The following GPR158 variants were observed in gnomAD, a reference collection of about 807,000 sequenced individuals.
The protein encoded by GPR158 is G protein-coupled receptor 158.
In GPR158, 30 loss-of-function variants were observed where a neutral mutation model predicts 78.2. The ratio of observed to expected loss-of-function variants is 0.38; its 90% CI spans 0.29 to 0.52. The LOEUF is 0.52. Among genes scored for constraint, GPR158 ranks in the 20% least tolerant of loss-of-function variants. The pLI is 0.83. For synonymous variants in GPR158, 581 were observed against 591.1 expected, an observed-to-expected ratio of 0.98 and a Z score of 0.25; for missense variants, 1,463 against 1,523.5, an observed-to-expected ratio of 0.96 and a Z score of 0.66.
chr10:25,564,696 G>A (rs1279493636), intron 6 of GPR158, among the ~76,000 whole-genome samples: 2 of 139,010 alleles, frequency 1.4e-5, no homozygotes, highest in South Asian at 2.3e-4. Context: ...ATTGAGCTCA[G>A]GAGCATGAGA....
chr10:25,468,301 T>C (rs1487469305), intron 5 of GPR158, among the ~76,000 whole-genome samples: 4 of 152,302 alleles, frequency 2.6e-5, no homozygotes, highest in Non-Finnish European at 1.5e-5. Flanking sequence ...CTCCTGCTCA[T>C]GTCTGGCTAT....
At chr10:25,286,508 C>A (rs1854352724) in intron 2 of GPR158, among the ~76,000 whole-genome samples, 1 of 151,912 alleles carries the variant, frequency 6.6e-6, no homozygotes, top group Non-Finnish European at 1.5e-5. Context: ...TTCATTAGCA[C>A]CTTTAACATA....
chr10:25,176,150 C>G lies in GPR158; in HGVS notation c.730C>G (p.Arg244Gly). The change falls in exon 1 of 11, where the codon CGG becomes GGG. Residue 244 changes from arginine to glycine, a missense_variant. By Grantham distance (125) the Arg-to-Gly change is moderately radical. Transcript: ENST00000376351. This position sits in a 1 kb window ranked among gnomAD's most constrained non-coding sequence, Gnocchi z 6.3. ...LHRRGPNQGP[R>G]GLGHSWRRKD... ...CCGCCGCGGCCCCAATCAGGGGCCC[C>G]GGGGCCTGGGCCACAGCTGGCGGCG... 6.4e-7 allele frequency: 1 copy of G among 1,573,072 alleles called. No individual in the cohort carries two copies. Among genetic ancestry groups the G allele is most frequent in the Non-Finnish European group, 8.6e-7 (1 of 1,160,762 alleles).
At chr10:25,591,311 C>T (rs1172388985) in intron 8 of GPR158, among the ~76,000 whole-genome samples, 1 of 152,142 alleles carries the variant, frequency 6.6e-6, no homozygotes, top group African/African-American at 2.4e-5. Flanking sequence ...CCTCACTTGA[C>T]ATTTGATAAC....
At chr10:25,571,913 A>C (rs1837014328) in intron 6 of GPR158, among the ~76,000 whole-genome samples, 1 of 152,194 alleles carries the variant, frequency 6.6e-6, no homozygotes, top group Non-Finnish European at 1.5e-5. Context: ...AAATGTTTAA[A>C]TATTTCTTTC....
rs67926384 is a variant in GPR158, at chr10:25,307,016, CAGAG to C, written c.1008+85880_1008+85883del. Among the ~76,000 whole-genome samples, 549 of 146,296 alleles carry C rather than the reference CAGAG, an allele frequency of 3.8e-3. 3 individuals carry two copies. The highest frequency in any genetic ancestry group is 9.8e-3 in the African/African-American group (391 of 39,926). Reference sequence around the variant, plus strand: ...ACACACACATACGCACACACACATACAGAGAGAGAGAGAGAGAGAGAGAGGGAAA... The same window carrying C: ...ACACACACATACGCACACACACATACAGAGAGAGAGAGAGAGAGAGGGAAA... On this transcript the variant is annotated intron_variant, in intron 2 of 10. Coordinates refer to ENST00000376351, the MANE Select transcript of GPR158 (RefSeq NM_020752.3).
At chr10:25,315,331 T>G (rs1854832512) in intron 2 of GPR158, among the ~76,000 whole-genome samples, 1 of 152,160 alleles carries the variant, frequency 6.6e-6, no homozygotes, top group Non-Finnish European at 1.5e-5. Flanking sequence ...TGATATTTTA[T>G]TGTCAGTTGT....
chr10:25,537,255 T>C (rs1361373856), intron 5 of GPR158, among the ~76,000 whole-genome samples: 1 of 152,216 alleles, frequency 6.6e-6, no homozygotes, highest in Non-Finnish European at 1.5e-5. Context: ...CCATTATTTC[T>C]GAGGACTCTT....
chr10:25,402,801 T>G (rs1388252329), intron 3 of GPR158, among the ~76,000 whole-genome samples: 1 of 151,998 alleles, frequency 6.6e-6, no homozygotes, highest in Non-Finnish European at 1.5e-5. Flanking sequence ...TTCAAAGGAC[T>G]TAAATATTTC....
intron 5 of GPR158, among the ~76,000 whole-genome samples, chr10:25,543,441 C>T (rs1202297570): frequency 6.6e-6 from 1 of 152,052 alleles, no homozygotes; most frequent in Non-Finnish European, 1.5e-5. Context: ...TTTAAAAACT[C>T]GATGCCTTGA....
intron 6 of GPR158, among the ~76,000 whole-genome samples, chr10:25,562,752 G>A (rs1381319796): frequency 6.6e-6 from 1 of 152,218 alleles, no homozygotes; most frequent in East Asian, 1.9e-4. Context: ...CTCTGCTGCT[G>A]TGGAGATGAA....
chr10:25,310,726 CTT>C (rs903772799), intron 2 of GPR158, among the ~76,000 whole-genome samples: 1 of 151,856 alleles, frequency 6.6e-6, no homozygotes, highest in Non-Finnish European at 1.5e-5. Flanking sequence ...ACATTTATAA[CTT>C]TAGTTTTTGA....
chr10:25,348,752 A>G (rs888837136), intron 2 of GPR158, among the ~76,000 whole-genome samples: 1 of 151,994 alleles, frequency 6.6e-6, no homozygotes, highest in Non-Finnish European at 1.5e-5. Flanking sequence ...ATTATCCTAC[A>G]TTTCAAGTTA....
chr10:25,341,779 C>T (rs1855305880), intron 2 of GPR158, among the ~76,000 whole-genome samples: 1 of 151,686 alleles, frequency 6.6e-6, no homozygotes, highest in Non-Finnish European at 1.5e-5. Context: ...AAGGTCTGTG[C>T]CAATCTTTTG....
intron 2 of GPR158, among the ~76,000 whole-genome samples, chr10:25,356,516 G>A (rs1405571048): frequency 1.3e-5 from 2 of 152,080 alleles, no homozygotes; most frequent in African/African-American, 2.4e-5. Flanking sequence ...GACCAGGTGG[G>A]AGATGATTGA....
At chr10:25,386,656 T>C (rs1834226196) in intron 2 of GPR158, among the ~76,000 whole-genome samples, 1 of 152,220 alleles carries the variant, frequency 6.6e-6, no homozygotes, top group Non-Finnish European at 1.5e-5. Context: ...AGAGTATACT[T>C]CTTTCACCTT....
At chr10:25,496,437 C>A (rs1237409072) in intron 5 of GPR158, among the ~76,000 whole-genome samples, 3 of 152,276 alleles carry the variant, frequency 2.0e-5, no homozygotes, top group Middle Eastern at 3.4e-3. Flanking sequence ...GGATCTCATT[C>A]TAAACAAATG....
chr10:25,442,017 A>G (rs1221039923), intron 4 of GPR158, among the ~76,000 whole-genome samples: 2 of 152,164 alleles, frequency 1.3e-5, no homozygotes, highest in Non-Finnish European at 2.9e-5. Context: ...TGTTTGTCTC[A>G]GACCATGAAG....
intron 2 of GPR158, chr10:25,244,054 C>G (rs1853658405): frequency 6.6e-6 from 1 of 152,074 alleles, no homozygotes; most frequent in African/African-American, 2.4e-5. Context: ...TGGGTCCTAG[C>G]AATTTTAGCC....
Sources: gnomAD v4.1 joint callset for allele counts (sites outside exome capture counted in the v4.1 genomes callset) on GRCh38, gnomAD v4.1.1 for gene constraint, Gnocchi (gnomAD v3.1) non-coding constraint, MANE v1.5 for transcripts, NCBI Gene and HGNC (gene_info 2026-07-23, HGNC 2026-07-21) for gene names.